DDX46: variants seen among roughly 807,000 people sequenced by gnomAD.
DDX46 encodes DEAD-box helicase 46.
A neutral mutation model predicts 134.9 loss-of-function variants in DDX46; 30 were observed. The observed-to-expected ratio is 0.22, with a 90% CI of 0.17 to 0.30. The LOEUF is 0.30. Ranked by LOEUF, DDX46 falls within the 10% of genes least tolerant of loss-of-function variation. DDX46 has a pLI of 1.00. For missense variants in DDX46, 622 were observed against 1,248.7 expected, an observed-to-expected ratio of 0.50 and a Z score of 7.56; for synonymous variants, 415 against 404.1, an observed-to-expected ratio of 1.03 and a Z score of -0.32.
chr5:134,789,604 T>A (rs1330725420), intron 12 of DDX46, among the ~76,000 whole-genome samples: 1 of 152,046 alleles, frequency 6.6e-6, no homozygotes, highest in Non-Finnish European at 1.5e-5. Flanking sequence ...TTTTTCTCAA[T>A]GCTGCATTGA....
chr5:134,799,848 C>T (rs745556876), intron 15 of DDX46, among the ~76,000 whole-genome samples: 8 of 152,010 alleles, frequency 5.3e-5, no homozygotes, highest in African/African-American at 9.7e-5. Context: ...AGTTCGAGGC[C>T]AGTCTGGGCA....
chr5:134,798,700 T>C lies in DDX46; in HGVS notation c.1954+2550T>C, dbSNP rs568379191. Among the ~76,000 whole-genome samples the C allele has an allele frequency of 3.3e-5, 5 of 152,346 alleles. No homozygotes were observed. The South Asian group carries it at 1.0e-3, about 32-fold the overall frequency. Reference sequence around the variant, plus strand: ...TGCTTTCTGTCTCTATGCATTTGCCTATTCTGGGTACCTCCTATAAGTAGA... The same window carrying C: ...TGCTTTCTGTCTCTATGCATTTGCCCATTCTGGGTACCTCCTATAAGTAGA... On this transcript the variant is annotated intron_variant, in intron 15 of 22. Coordinates refer to ENST00000452510, the MANE Select transcript of DDX46 (RefSeq NM_001300860.2).
chr5:134,824,319 G>A (rs867906159), intron 21 of DDX46, among the ~76,000 whole-genome samples: 1 of 152,154 alleles, frequency 6.6e-6, no homozygotes, highest in Non-Finnish European at 1.5e-5. Context: ...ATGGCCGGGC[G>A]CGGTGGCTCA....
chr5:134,777,583 A>T lies in DDX46; in HGVS notation c.623A>T (p.Asp208Val), dbSNP rs1753986491. 1 of 1,612,456 alleles carries T rather than the reference A, an allele frequency of 6.2e-7. No homozygotes were observed. The highest frequency in any genetic ancestry group is 8.5e-7 in the Non-Finnish European group (1 of 1,179,770). Reference protein sequence around the residue: ...WSLEDDDDDEDDPAEAEKEGN... With the variant: ...WSLEDDDDDEVDPAEAEKEGN... ...TATTCTGGTATTTTAGATGACGAAG[A>T]TGATCCTGCAGAAGCTGAAAAGGAG... Residue 208 changes from aspartate to valine, a missense_variant, in exon 6 of 23, where the codon GAT becomes GTT. Asp to Val is a radical substitution (Grantham distance 152). This residue lies in a region of DDX46 where 244 missense variants were observed against 349.3 expected (regional missense o/e 0.70). Transcript: ENST00000452510.
chr5:134,778,067 G>A lies in DDX46; in HGVS notation c.765+342G>A, dbSNP rs184469321. ...ACAGAGTCTCTCTTTTGCCTAGGCT[G>A]GAGTGCAATGGTGTGATCTTGGCTT... On this transcript the variant is annotated intron_variant, in intron 6 of 22. Coordinates refer to ENST00000452510, the MANE Select transcript of DDX46 (RefSeq NM_001300860.2). Among the ~76,000 whole-genome samples the A allele has an allele frequency of 3.4e-5, 5 of 146,592 alleles. No homozygotes were observed. The East Asian group carries it at 1.0e-3, about 29-fold the overall frequency.
intron 6 of DDX46, among the ~76,000 whole-genome samples, chr5:134,780,074 T>C (rs2150139314): frequency 6.8e-6 from 1 of 148,144 alleles, no homozygotes; most frequent in South Asian, 2.1e-4. Flanking sequence ...GGTGACAGAA[T>C]AAGACTCAGT....
chr5:134,764,125 G>A, intron 2 of DDX46, 33 bp downstream of exon 2: 1 of 1,575,482 alleles, frequency 6.3e-7, no homozygotes, highest in Non-Finnish European at 8.6e-7. Flanking sequence ...AAAGACGAGT[G>A]ATAAATTGGG....
chr5:134,780,431 G>A (rs1210563076), intron 6 of DDX46, among the ~76,000 whole-genome samples: 1 of 149,964 alleles, frequency 6.7e-6, no homozygotes, highest in Non-Finnish European at 1.5e-5. Context: ...CGGACTAGTG[G>A]CGGGTGCCTG....
chr5:134,776,767 G>T (rs1436817743), intron 5 of DDX46, among the ~76,000 whole-genome samples: 5 of 151,850 alleles, frequency 3.3e-5, no homozygotes, highest in Non-Finnish European at 7.4e-5. Context: ...ACAAAAATTA[G>T]CTGAGTATGG....
chr5:134,809,570 A>G (rs1231558819), intron 16 of DDX46, among the ~76,000 whole-genome samples: 1 of 151,868 alleles, frequency 6.6e-6, no homozygotes, highest in African/African-American at 2.4e-5. Flanking sequence ...GGTTTCTACT[A>G]AAACCTGTGT....
intron 21 of DDX46, chr5:134,826,598 C>T (rs1479527129): frequency 1.2e-5 from 2 of 168,034 alleles, no homozygotes; most frequent in Non-Finnish European, 2.5e-5. Context: ...TAAATACTTA[C>T]TAAATGAATA....
chr5:134,768,667 A>G (rs989324742), intron 3 of DDX46, among the ~76,000 whole-genome samples: 1 of 152,152 alleles, frequency 6.6e-6, no homozygotes, highest in Non-Finnish European at 1.5e-5. Flanking sequence ...ATTTGATTAC[A>G]TTAAAATTAA....
rs149890710 is a variant in DDX46, at chr5:134,793,383, G to A, written c.1627-1467G>A. Among the ~76,000 whole-genome samples the A allele has an allele frequency of 1.6e-4, 25 of 152,186 alleles. No individual in the cohort carries two copies. In the East Asian group the frequency reaches 4.2e-3, roughly 26 times the overall value. Reference sequence around the variant, plus strand: ...GTAGTGTGCTTCCAGGCATGATTCTGTATTGAAAATAGTGAGAATTGGGAA... The same window carrying A: ...GTAGTGTGCTTCCAGGCATGATTCTATATTGAAAATAGTGAGAATTGGGAA... On this transcript the variant is annotated intron_variant, in intron 13 of 22. Transcript: ENST00000452510.
At chr5:134,797,196 A>C (rs1053669306) in intron 15 of DDX46, 25 of 281,812 alleles carry the variant, frequency 8.9e-5, no homozygotes, top group Middle Eastern at 6.1e-4. Flanking sequence ...AAAAAAAAAA[A>C]ACACAAAACA....
chr5:134,784,547 A>G lies in DDX46; in HGVS notation c.1342+6A>G. On this transcript the variant is annotated splice_donor_region_variant and intron_variant, in intron 10 of 22. Coordinates refer to ENST00000452510, the MANE Select transcript of DDX46 (RefSeq NM_001300860.2). ...GGAAGGAGAGGGGCCAATAGGTACA[A>G]TTCTTTTCATTAAACTATTTTTCAA... The G allele has an allele frequency of 6.3e-7, 1 of 1,577,666 alleles. No homozygotes were observed.
At chr5:134,794,743 A>T in intron 13 of DDX46, 107 bp from the exon 14 acceptor site, 1 of 1,432,772 alleles carries the variant, frequency 7.0e-7, no homozygotes, top group Non-Finnish European at 9.4e-7. Flanking sequence ...GGGAGTGGCA[A>T]AACTGAGACA....
At chr5:134,814,210 A>G (rs1237198256) in intron 18 of DDX46, among the ~76,000 whole-genome samples, 1 of 152,158 alleles carries the variant, frequency 6.6e-6, no homozygotes, top group Non-Finnish European at 1.5e-5. Flanking sequence ...AAACTTTATC[A>G]TAGGTATGTA....
chr5:134,787,417 A>G (rs531990596), intron 11 of DDX46, among the ~76,000 whole-genome samples: 1 of 152,340 alleles, frequency 6.6e-6, no homozygotes, highest in African/African-American at 2.4e-5. Context: ...TGCTAGATAA[A>G]TGGGATAAAT....
At chr5:134,805,589 C>T (rs919605169) in intron 15 of DDX46, among the ~76,000 whole-genome samples, 1 of 151,390 alleles carries the variant, frequency 6.6e-6, no homozygotes, top group Non-Finnish European at 1.5e-5. Context: ...AGTGCAGTGG[C>T]ATGATCTTGG....
Sources: allele counts gnomAD v4.1 joint callset (sites outside exome capture counted in the v4.1 genomes callset), GRCh38; gene constraint gnomAD v4.1.1; regional missense constraint gnomAD v4.1.1; transcripts MANE v1.5; gene names NCBI Gene and HGNC (gene_info 2026-07-23, HGNC 2026-07-21).